NOB1: variants seen among roughly 807,000 people sequenced by gnomAD.
NOB1 encodes the protein NIN1 (RPN12) binding protein 1 homolog.
A neutral mutation model predicts 44.8 loss-of-function variants in NOB1; 44 were observed. The ratio of observed to expected loss-of-function variants is 0.98; its 90% confidence interval spans 0.77 to 1.26. The LOEUF (loss-of-function observed/expected upper bound fraction) is 1.26, where lower values mean the gene tolerates loss of function less well. Ranked by LOEUF, NOB1 falls within the 50% of genes most tolerant of loss-of-function variation. The pLI is 0.00. For missense variants in NOB1, 560 were observed against 544.8 expected (o/e 1.03, Z -0.28); for synonymous variants, 238 against 218.7 (o/e 1.09, Z -0.78).
intron 2 of NOB1, among the ~76,000 whole-genome samples, chr16:69,752,596 G>A (rs1454467820): frequency 6.6e-6 from 1 of 152,172 alleles, no homozygotes; most frequent in Non-Finnish European, 1.5e-5. Context: ...CAAGATTCAT[G>A]CCAGTTAGAT....
chr16:69,745,048 C>T (rs778033906), intron 7 of NOB1, 31 bp from the exon 8 acceptor site: 2 of 1,610,994 alleles, frequency 1.2e-6, no homozygotes, highest in South Asian at 2.2e-5. Flanking sequence ...TGATCTGTAC[C>T]AAAGCCACAG....
At chr16:69,754,440 C>T (rs1180865378) in intron 2 of NOB1, among the ~76,000 whole-genome samples, 154 bp downstream of exon 2, 1 of 152,136 alleles carries the variant, frequency 6.6e-6, no homozygotes, top group Admixed American at 6.5e-5. Flanking sequence ...GACTCCAGAC[C>T]CAGGAAGCCT....
At chr16:69,750,229 T>A (rs1031441177) in intron 3 of NOB1, among the ~76,000 whole-genome samples, 7 of 151,724 alleles carry the variant, frequency 4.6e-5, no homozygotes, top group Non-Finnish European at 8.8e-5. Context: ...GGTCTCAAAC[T>A]CCCAGCCTCA....
Position 69,749,661 on chromosome 16 carries a change from G to C in NOB1, c.328-31C>G, listed in dbSNP as rs530163613. ...AAAAAACAAAAAACATATACCTCTT[G>C]TTATCAAAATTAAAGATATCCAGTT... On this transcript the variant is annotated intron_variant, in intron 3 of 8. Coordinates refer to ENST00000268802, the MANE Select transcript of NOB1 (RefSeq NM_014062.3). The C allele has an allele frequency of 8.6e-5, 131 of 1,529,920 alleles. 2 individuals are homozygous for C. In the South Asian group the frequency reaches 1.5e-3, roughly 18 times the overall value. The allele number at this position is 1,529,920 out of a possible 1,614,324, so 94.8% of individuals were successfully genotyped here.
chr16:69,745,631 C>T (rs1194199899), intron 7 of NOB1, among the ~76,000 whole-genome samples: 1 of 152,230 alleles, frequency 6.6e-6, no homozygotes, highest in Admixed American at 6.5e-5. Context: ...AGAACCAAGG[C>T]TTCCCCCACC....
intron 7 of NOB1, 58 bp from the exon 8 acceptor site, chr16:69,745,075 C>T: frequency 6.3e-7 from 1 of 1,592,796 alleles, no homozygotes; most frequent in East Asian, 2.2e-5. Flanking sequence ...AACGCCTCCC[C>T]AGAGCACAAG....
At position 69,754,716 on chromosome 16, in the gene NOB1, T is replaced by C; in HGVS notation, c.74A>G (p.Lys25Arg). Residue 25 changes from lysine (K) to arginine (R), a missense_variant, in exon 2 of 9, where the codon AAG (lysine) becomes AGG (arginine). By Grantham distance (26) the Lys-to-Arg change is conservative. Coordinates refer to ENST00000268802, the MANE Select transcript of NOB1 (RefSeq NM_014062.3). ...CACCTCCCGGATGGTGTAAATGTTC[T>C]TCCCGATGTCCTGCGGACAGAACGC... ...LRHAALQDIGKNIYTIREVVT... is the reference protein window; with the variant it reads ...LRHAALQDIGRNIYTIREVVT... 6.2e-7 allele frequency: 1 copy of C among 1,614,180 alleles called. No individual in the cohort carries two copies. Among genetic ancestry groups the C allele is most frequent in the Non-Finnish European group, 8.5e-7 (1 of 1,180,032 alleles).
intron 5 of NOB1, 33 bp from the exon 6 acceptor site, chr16:69,749,151 C>A (rs760024907): frequency 2.5e-6 from 4 of 1,613,822 alleles, no homozygotes; most frequent in East Asian, 2.2e-5. Context: ...AAACTCCCAA[C>A]CCACAGGAGC....
chr16:69,745,338 G>A (rs971466198), intron 7 of NOB1, among the ~76,000 whole-genome samples: 4 of 152,162 alleles, frequency 2.6e-5, no homozygotes, highest in African/African-American at 4.8e-5. Context: ...GGATGGCACC[G>A]TCTCCATTTT....
At chr16:69,743,611 C>G (rs953825288) in intron 8 of NOB1, among the ~76,000 whole-genome samples, 1 of 151,710 alleles carries the variant, frequency 6.6e-6, no homozygotes, top group African/African-American at 2.4e-5. Context: ...CAGACACACG[C>G]AAGGGAAAGG....
rs759296939 is a variant in NOB1 at position 69,748,275 on chromosome 16, G to C, written c.781C>G (p.Arg261Gly). The C allele has an allele frequency of 1.7e-5, 28 of 1,614,050 alleles. No individual in the cohort carries two copies. The highest frequency in any genetic ancestry group is 2.4e-5 in the Non-Finnish European group (28 of 1,179,960). The part of the protein sequence containing the change: ...HVLAVNGMLI[R>G]EARSYILRCH... Reference sequence around the variant, plus strand: ...CGCAAGATGTAGCTCCGGGCCTCACGAATCAGCATGCCGTTCACCGCCAGC... The same window carrying C: ...CGCAAGATGTAGCTCCGGGCCTCACCAATCAGCATGCCGTTCACCGCCAGC... Residue 261 changes from arginine to glycine, a missense_variant, in exon 7 of 9, where the codon CGT becomes GGT. Arg to Gly is a moderately radical substitution (Grantham distance 125). Coordinates refer to ENST00000268802, the MANE Select transcript of NOB1 (RefSeq NM_014062.3).
intron 8 of NOB1, among the ~76,000 whole-genome samples, chr16:69,744,465 G>C (rs1217216597): frequency 2.6e-5 from 4 of 152,244 alleles, no homozygotes; most frequent in East Asian, 1.9e-4. Flanking sequence ...CCACTCATTC[G>C]TCCTCCAATC....
chr16:69,745,354 TG>T (rs2038421746), intron 7 of NOB1, among the ~76,000 whole-genome samples: 1 of 152,162 alleles, frequency 6.6e-6, no homozygotes, highest in Non-Finnish European at 1.5e-5. Context: ...ATTTTACAGA[TG>T]GGGAAACTGA....
At chr16:69,747,175 C>T (rs138128978) in intron 7 of NOB1, among the ~76,000 whole-genome samples, 4 of 138,822 alleles carry the variant, frequency 2.9e-5, no homozygotes, top group African/African-American at 1.1e-4. Context: ...GAGTCGTGAT[C>T]GTGCCACTGC....
intron 8 of NOB1, 133 bp from the exon 9 acceptor site, chr16:69,742,734 C>G: frequency 1.2e-6 from 1 of 867,552 alleles, no homozygotes; most frequent in South Asian, 1.6e-5. Context: ...TGACTGCCTA[C>G]CATGTGCTAC....
At chr16:69,745,226 A>T (rs572128115) in intron 7 of NOB1, among the ~76,000 whole-genome samples, 1 of 152,330 alleles carries the variant, frequency 6.6e-6, no homozygotes, top group East Asian at 1.9e-4. Flanking sequence ...AGGGGCAGGT[A>T]AGGAAGTGTG....
At chr16:69,753,566 T>A (rs2038499832) in intron 2 of NOB1, among the ~76,000 whole-genome samples, 1 of 152,218 alleles carries the variant, frequency 6.6e-6, no homozygotes, top group Admixed American at 6.5e-5. Context: ...TTGCCATTCT[T>A]CAAAAGTACT....
chr16:69,753,049 C>T (rs537443608), intron 2 of NOB1, among the ~76,000 whole-genome samples: 1 of 152,098 alleles, frequency 6.6e-6, no homozygotes. Flanking sequence ...TGGTGAAACC[C>T]CTTGTCTCCT....
At position 69,748,275 on chromosome 16, in the gene NOB1, G is replaced by GA; in HGVS notation, c.780dup (p.Arg261SerfsTer2). 1 of 1,614,050 alleles carries GA rather than the reference G, an allele frequency of 6.2e-7. No homozygotes were observed. Among genetic ancestry groups the GA allele is most frequent in the Non-Finnish European group, 8.5e-7 (1 of 1,179,960 alleles). On this transcript the variant is annotated frameshift_variant, in exon 7 of 9. Coordinates refer to ENST00000268802, the MANE Select transcript of NOB1 (RefSeq NM_014062.3). LOFTEE classifies it high-confidence loss of function. ...CGCAAGATGTAGCTCCGGGCCTCAC[G>GA]AATCAGCATGCCGTTCACCGCCAGC...
Sources: allele counts gnomAD v4.1 joint callset (sites outside exome capture counted in the v4.1 genomes callset), GRCh38; gene constraint gnomAD v4.1.1; transcripts MANE v1.5; gene names NCBI Gene and HGNC (gene_info 2026-07-23, HGNC 2026-07-21).